CDH13: variants seen among roughly 807,000 people sequenced by gnomAD.
CDH13 encodes the protein cadherin-13.
CDH13 carries 24 observed loss-of-function variants against 63.8 expected under a neutral mutation model. That is an observed-to-expected ratio of 0.38 (90% CI 0.27 to 0.53). CDH13 has a LOEUF of 0.53. Ranked by LOEUF, CDH13 falls within the 20% of genes least tolerant of loss-of-function variation. The probability of loss-of-function intolerance (pLI) is 0.85; values close to 1 mark genes in which losing one functional copy is unlikely to be tolerated. For missense variants in CDH13, 1,049 were observed against 903.1 expected (o/e 1.16, Z -2.07); for synonymous variants, 503 against 355.3 (o/e 1.42, Z -4.67).
At chr16:83,393,051 A>G (rs913213505) in intron 6 of CDH13, among the ~76,000 whole-genome samples, 2 of 152,190 alleles carry the variant, frequency 1.3e-5, no homozygotes, top group African/African-American at 4.8e-5. Flanking sequence ...GGCCAGAGAC[A>G]GTTCCCTGCC....
At chr16:83,630,652 T>C (rs566186381) in intron 8 of CDH13, among the ~76,000 whole-genome samples, 1 of 152,336 alleles carries the variant, frequency 6.6e-6, no homozygotes, top group East Asian at 1.9e-4. Context: ...GATATGCATT[T>C]GTCTCAGGTG....
At chr16:83,585,682 A>G (rs1906084866) in intron 7 of CDH13, among the ~76,000 whole-genome samples, 1 of 152,032 alleles carries the variant, frequency 6.6e-6, no homozygotes, top group Non-Finnish European at 1.5e-5. Flanking sequence ...AAGGCTGACC[A>G]TTAGAGACTC....
At chr16:82,642,809 T>A (rs146659312) in intron 1 of CDH13, among the ~76,000 whole-genome samples, 89 of 152,318 alleles carry the variant, frequency 5.8e-4, no homozygotes, top group Non-Finnish European at 1.0e-3. Flanking sequence ...CATGTAATCC[T>A]CATAGTGACT....
chr16:83,040,227 T>G (rs1695818877), intron 3 of CDH13, among the ~76,000 whole-genome samples: 1 of 151,998 alleles, frequency 6.6e-6, no homozygotes, highest in African/African-American at 2.4e-5. Flanking sequence ...GAGGATTCAA[T>G]GAATCAACAC....
intron 2 of CDH13, among the ~76,000 whole-genome samples, chr16:82,999,187 T>C (rs1332156262): frequency 6.6e-6 from 1 of 152,192 alleles, no homozygotes; most frequent in Non-Finnish European, 1.5e-5. Flanking sequence ...CATTTAGCCC[T>C]CTTTTCTCTT....
chr16:83,534,194 C>T (rs1475708066), intron 7 of CDH13, among the ~76,000 whole-genome samples: 1 of 152,172 alleles, frequency 6.6e-6, no homozygotes, highest in Non-Finnish European at 1.5e-5. Flanking sequence ...ATTCTGGATG[C>T]TCCATACAAA....
intron 7 of CDH13, among the ~76,000 whole-genome samples, chr16:83,528,379 TCTC>T (rs2075008879): frequency 6.6e-6 from 1 of 152,134 alleles, no homozygotes; most frequent in East Asian, 1.9e-4. Context: ...CATTAAGTCT[TCTC>T]CTTGGGGAAA....
chr16:82,690,145 G>A lies in CDH13; in HGVS notation c.45+63008G>A, dbSNP rs1223076374. ...ATTGTGCTATTGCACTCCAGCCTGG[G>A]CAACAAGAAACTCTGTCTCAAAAAA... is the stretch of plus-strand genomic sequence containing the variant. On this transcript the variant is annotated intron_variant, in intron 1 of 13. Coordinates refer to ENST00000567109, the MANE Select transcript of CDH13 (RefSeq NM_001257.5). Among the ~76,000 whole-genome samples, 7 of 131,334 alleles carry A rather than the reference G, an allele frequency of 5.3e-5. No homozygotes were observed. In the East Asian group the frequency reaches 1.6e-3, roughly 30 times the overall value. The allele number at this position is 131,334 out of a possible 152,430, so 86.2% of individuals were successfully genotyped here. A position where few individuals can be genotyped will look rare whatever the true frequency, so the allele number is the denominator to read the frequency against.
At chr16:83,401,862 G>A (rs2091972990) in intron 6 of CDH13, among the ~76,000 whole-genome samples, 1 of 152,132 alleles carries the variant, frequency 6.6e-6, no homozygotes, top group African/African-American at 2.4e-5. Flanking sequence ...CTAGCTCTTT[G>A]TATAAACATT....
chr16:82,741,597 A>G (rs1460454583), intron 1 of CDH13, among the ~76,000 whole-genome samples: 1 of 152,208 alleles, frequency 6.6e-6, no homozygotes, highest in East Asian at 1.9e-4. Context: ...TGCCTGTAAC[A>G]TGGTAGGCTT....
Position 82,738,610 on chromosome 16 carries a change from C to G in CDH13, c.45+111473C>G, listed in dbSNP as rs114075630. 3.8e-4 allele frequency among the ~76,000 whole-genome samples: 58 copies of G among 152,334 alleles called. No individual in the cohort carries two copies. In the East Asian group the frequency reaches 0.011, roughly 29 times the overall value. ...CCATGCTGTAACTAAACAGCACTAC[C>G]TACTAAAATAGAAAGATACCTTTCA... On this transcript the variant is annotated intron_variant, in intron 1 of 13. Coordinates refer to ENST00000567109, the MANE Select transcript of CDH13 (RefSeq NM_001257.5).
chr16:83,371,254 C>T lies in CDH13; in HGVS notation c.781+26248C>T, dbSNP rs569743948. Among the ~76,000 whole-genome samples the T allele has an allele frequency of 7.9e-4, 121 of 152,276 alleles. No homozygotes were observed. In the Middle Eastern group the frequency reaches 0.01, roughly 13 times the overall value. ...TTTTAATTCTATTTTCTGTTGACTGCCCCATGGCCTTTCTTTTTAAATCAT... is the reference window on the plus strand; with the variant it reads ...TTTTAATTCTATTTTCTGTTGACTGTCCCATGGCCTTTCTTTTTAAATCAT... On this transcript the variant is annotated intron_variant, in intron 6 of 13. Transcript: ENST00000567109.
At chr16:83,741,090 C>G (rs1023410904) in intron 10 of CDH13, among the ~76,000 whole-genome samples, 1 of 152,196 alleles carries the variant, frequency 6.6e-6, no homozygotes, top group African/African-American at 2.4e-5. Context: ...GTACCCTGGA[C>G]TGTGATGGGC....
intron 1 of CDH13, among the ~76,000 whole-genome samples, chr16:82,766,026 T>C (rs1048011501): frequency 6.6e-6 from 1 of 152,202 alleles, no homozygotes; most frequent in African/African-American, 2.4e-5. Context: ...CAACTCTTTA[T>C]ATTCTGGAGA....
chr16:83,407,352 G>A (rs368755455), intron 6 of CDH13, among the ~76,000 whole-genome samples: 3 of 152,216 alleles, frequency 2.0e-5, no homozygotes, highest in South Asian at 2.1e-4. Context: ...ATGTTTATTA[G>A]GCTCCTGCTA....
intron 5 of CDH13, among the ~76,000 whole-genome samples, chr16:83,251,190 G>C (rs984230897): frequency 1.3e-5 from 2 of 152,042 alleles, no homozygotes; most frequent in African/African-American, 4.8e-5. Context: ...GGGGGAAAAT[G>C]GGTAAAGGGT....
intron 6 of CDH13, among the ~76,000 whole-genome samples, chr16:83,416,090 T>G (rs2092196144): frequency 6.6e-6 from 1 of 152,224 alleles, no homozygotes; most frequent in South Asian, 2.1e-4. Flanking sequence ...TTAGTTATGT[T>G]TCTATACACT....
At chr16:83,665,709 G>A (rs1438055547) in intron 8 of CDH13, among the ~76,000 whole-genome samples, 3 of 152,182 alleles carry the variant, frequency 2.0e-5, no homozygotes, top group South Asian at 4.1e-4. Context: ...AACTAGTCAA[G>A]CATGCAAGCT....
In CDH13 at chr16:83,798,910, C is replaced by A. The variant is rs928198189; in HGVS notation, c.*3880C>A. On this transcript the variant is annotated 3_prime_UTR_variant, in exon 14 of 14. Coordinates refer to ENST00000567109, the MANE Select transcript of CDH13 (RefSeq NM_001257.5). ...ACATCGTTCTAAATTAATATTGAGA[C>A]CTTAGAAATTTTTCCTGTGCAAGAT... is the stretch of plus-strand genomic sequence containing the variant. 2 of 151,928 alleles carry A rather than the reference C, an allele frequency of 1.3e-5. No homozygotes were observed. The highest frequency in any genetic ancestry group is 2.9e-5 in the Non-Finnish European group (2 of 68,002). The allele number at this position is 151,928 out of a possible 1,614,324, so 9.4% of individuals were successfully genotyped here.
Sources: allele counts gnomAD v4.1 joint callset (sites outside exome capture counted in the v4.1 genomes callset), GRCh38; gene constraint gnomAD v4.1.1; transcripts MANE v1.5; gene names NCBI Gene and HGNC (gene_info 2026-07-23, HGNC 2026-07-21).